FBXO34: variants seen among roughly 807,000 people sequenced by gnomAD.
The protein encoded by FBXO34 is F-box only protein 34.
Under a neutral mutation model 24.5 loss-of-function variants are expected in FBXO34, and 12 were observed. That is an observed-to-expected ratio of 0.49 (90% CI 0.31 to 0.79). The LOEUF (loss-of-function observed/expected upper bound fraction) is 0.79, where lower values mean the gene tolerates loss of function less well. Ranked by LOEUF, FBXO34 falls within the 30% of genes least tolerant of loss-of-function variation. The pLI is 0.04. For missense variants in FBXO34, 823 were observed against 857.7 expected, an observed-to-expected ratio of 0.96 and a Z score of 0.51; for synonymous variants, 320 against 311.9, an observed-to-expected ratio of 1.03 and a Z score of -0.27.
intron 1 of FBXO34, among the ~76,000 whole-genome samples, chr14:55,274,914 A>G (rs1222700223): frequency 6.6e-6 from 1 of 152,220 alleles, no homozygotes; most frequent in Non-Finnish European, 1.5e-5. Flanking sequence ...TTGTTAGGTC[A>G]TGTGTGACAA....
chr14:55,363,020 TCTC>T (rs200417682), downstream of FBXO34, among the ~76,000 whole-genome samples: 756 of 121,574 alleles, frequency 6.2e-3, 4 homozygotes, highest in African/African-American at 0.021. Context: ...TTTTTCTCTC[TCTC>T]TTTTTTTTTT....
chr14:55,441,529 A>T, the FBXO34 span, among the ~76,000 whole-genome samples: 1 of 152,036 alleles, frequency 6.6e-6, no homozygotes, highest in Non-Finnish European at 1.5e-5. Flanking sequence ...GTATTTTTAC[A>T]TTATCATTAC....
chr14:55,376,240 TAAAGTGGTTGGC>T, the FBXO34 span, among the ~76,000 whole-genome samples: 7 of 152,256 alleles, frequency 4.6e-5, no homozygotes, highest in Admixed American at 1.3e-4. Context: ...CCAAGGCAAG[TAAAGTGGTTGGC>T]CTTGTGTCAA....
chr14:55,360,402 A>T (rs1186966976), intron 3 of FBXO34, among the ~76,000 whole-genome samples: 1 of 152,070 alleles, frequency 6.6e-6, no homozygotes, highest in Non-Finnish European at 1.5e-5. Context: ...GCTCATCCAT[A>T]AGAAGCAACT....
chr14:55,428,789 G>T, the FBXO34 span: 23 of 1,599,002 alleles, frequency 1.4e-5, no homozygotes, highest in African/African-American at 2.8e-4. Flanking sequence ...CAAAGTTCAA[G>T]CTATATAACC....
At chr14:55,276,051 A>G (rs1430740626) in intron 1 of FBXO34, among the ~76,000 whole-genome samples, 2 of 152,212 alleles carry the variant, frequency 1.3e-5, no homozygotes, top group Non-Finnish European at 2.9e-5. Context: ...ACAAGTGCTC[A>G]AGGCCAGAAC....
At chr14:55,342,149 T>C (rs568845539) in intron 1 of FBXO34, among the ~76,000 whole-genome samples, 8 of 152,230 alleles carry the variant, frequency 5.3e-5, no homozygotes, top group Non-Finnish European at 7.3e-5. Context: ...ATCAAACTTA[T>C]CATAGACCTT....
chr14:55,341,565 G>A (rs1883992771), intron 1 of FBXO34, among the ~76,000 whole-genome samples: 1 of 152,128 alleles, frequency 6.6e-6, no homozygotes, highest in Admixed American at 6.5e-5. Flanking sequence ...ATGCAAGAGA[G>A]TTGTTAATAG....
intron 1 of FBXO34, chr14:55,318,091 C>T (rs967648056): frequency 2.6e-5 from 4 of 151,822 alleles, no homozygotes; most frequent in Non-Finnish European, 5.9e-5. Flanking sequence ...AGTTCTTTAA[C>T]TCTTACTCAT....
chr14:55,290,386 C>T (rs1881904365), intron 1 of FBXO34, among the ~76,000 whole-genome samples: 1 of 132,092 alleles, frequency 7.6e-6, no homozygotes, highest in Admixed American at 7.2e-5. Context: ...AGTGAGACTT[C>T]TCTCAAAAAA....
the FBXO34 span, among the ~76,000 whole-genome samples, chr14:55,405,582 C>T: frequency 2.6e-5 from 4 of 152,216 alleles, no homozygotes; most frequent in African/African-American, 9.7e-5. Context: ...CAGTCCCATT[C>T]CCCCACCTAA....
chr14:55,337,770 GA>G (rs1414029088), intron 1 of FBXO34, among the ~76,000 whole-genome samples: 1 of 152,192 alleles, frequency 6.6e-6, no homozygotes, highest in Non-Finnish European at 1.5e-5. Flanking sequence ...GAGGCATCCA[GA>G]ATTGAACCTG....
chr14:55,385,955 C>A, the FBXO34 span: 1 of 1,614,122 alleles, frequency 6.2e-7, no homozygotes, highest in East Asian at 2.2e-5. Flanking sequence ...ATAATGACTT[C>A]TTAAGTCAAT....
intron 1 of FBXO34, among the ~76,000 whole-genome samples, chr14:55,279,718 A>G (rs1005777307): frequency 5.9e-5 from 9 of 152,180 alleles, no homozygotes; most frequent in Admixed American, 1.3e-4. Context: ...CAAGAGAAAT[A>G]GGATTTGCTA....
At position 55,351,586 on chromosome 14, in the gene FBXO34, A is replaced by G; in HGVS notation, c.1196A>G (p.Asn399Ser). 3.1e-6 allele frequency: 5 copies of G among 1,614,158 alleles called. No individual in the cohort carries two copies. The highest frequency in any genetic ancestry group is 3.4e-6 in the Non-Finnish European group (4 of 1,180,026). ...CCGGGTTCGCAAACTGCCGTGAAAA[A>G]CAGCAACAGATATGATGTGGAAATG... is the stretch of plus-strand genomic sequence containing the variant. ...LEPGSQTAVK[N>S]SNRYDVEMTD... The change falls in exon 2 of 2, where the codon AAC becomes AGC. Residue 399 changes from asparagine to serine, a missense_variant. Coordinates refer to ENST00000313833, the MANE Select transcript of FBXO34 (RefSeq NM_017943.4).
the FBXO34 span, among the ~76,000 whole-genome samples, chr14:55,438,541 G>A: frequency 6.6e-6 from 1 of 152,130 alleles, no homozygotes; most frequent in African/African-American, 2.4e-5. Flanking sequence ...CACCAAAGCT[G>A]CAACAGTCAG....
chr14:55,429,316 T>G, the FBXO34 span, among the ~76,000 whole-genome samples: 1 of 152,242 alleles, frequency 6.6e-6, no homozygotes, highest in Non-Finnish European at 1.5e-5. Context: ...CCTGGGAACT[T>G]GTTAGAAATG....
chr14:55,411,904 A>AT, the FBXO34 span: 3 of 1,310,338 alleles, frequency 2.3e-6, no homozygotes, highest in South Asian at 4.2e-5. Context: ...GGCCTGGGGA[A>AT]GGGGGGCTGG....
chr14:55,318,332 T>G (rs1346904002), intron 1 of FBXO34: 1 of 71,224 alleles, frequency 1.4e-5, no homozygotes, highest in African/African-American at 6.3e-5. Context: ...GGTTTGCAAG[T>G]CATATATATA....
Sources: gnomAD v4.1 joint callset for allele counts (sites outside exome capture counted in the v4.1 genomes callset) on GRCh38, gnomAD v4.1.1 for gene constraint, MANE v1.5 for transcripts, NCBI Gene and HGNC (gene_info 2026-07-23, HGNC 2026-07-21) for gene names.